Variants in SLC4A4 observed in about 807,000 individuals in gnomAD.
The protein encoded by SLC4A4 is electrogenic sodium bicarbonate cotransporter 1.
Under a neutral mutation model 111.5 loss-of-function variants are expected in SLC4A4, and 27 were observed. The observed-to-expected ratio is 0.24, with a 90% CI of 0.18 to 0.33. The LOEUF (loss-of-function observed/expected upper bound fraction) is 0.33, where lower values mean the gene tolerates loss of function less well. Among genes scored for constraint, SLC4A4 ranks in the 10% least tolerant of loss-of-function variants. The probability of loss-of-function intolerance (pLI) is 1.00; values close to 1 mark genes in which losing one functional copy is unlikely to be tolerated. For synonymous variants in SLC4A4, 443 were observed against 463.4 expected (o/e 0.96, Z 0.57); for missense variants, 909 against 1,315.5 (o/e 0.69, Z 4.78).
intron 7 of SLC4A4, among the ~76,000 whole-genome samples, chr4:71,398,682 A>G (rs1011955834): frequency 3.3e-5 from 5 of 152,222 alleles, no homozygotes; most frequent in African/African-American, 1.2e-4. Context: ...ATTGGAAAGA[A>G]GAAGGAACAT....
rs572256695 is a variant in SLC4A4 at position 71,112,226 on chromosome 4, C to T, written c.-2+19434C>T. On this transcript the variant is annotated intron_variant, in intron 2 of 26. Transcript: ENST00000649996. ...CAAACAATTATGTTGGAACATCAAT[C>T]ACAGTAACAGGAAAGAGTAGCATTC... 1.8e-4 allele frequency among the ~76,000 whole-genome samples: 28 copies of T among 152,340 alleles called. No individual in the cohort carries two copies. In the East Asian group the frequency reaches 5.2e-3, roughly 28 times the overall value.
intron 1 of SLC4A4, among the ~76,000 whole-genome samples, chr4:71,188,111 G>C (rs1171467484): frequency 5.3e-5 from 8 of 152,144 alleles, no homozygotes; most frequent in Non-Finnish European, 1.0e-4. Flanking sequence ...TTTTTCTTAA[G>C]TGCATTTTAC....
At chr4:71,135,234 T>A (rs1743810602) in intron 2 of SLC4A4, among the ~76,000 whole-genome samples, 1 of 152,108 alleles carries the variant, frequency 6.6e-6, no homozygotes, top group Non-Finnish European at 1.5e-5. Context: ...ATGGCTAAAT[T>A]GAGCTAATTA....
chr4:71,110,816 A>G (rs1743064804), intron 2 of SLC4A4, among the ~76,000 whole-genome samples: 1 of 152,162 alleles, frequency 6.6e-6, no homozygotes, highest in Non-Finnish European at 1.5e-5. Flanking sequence ...AGTTTGAAGT[A>G]CTGTGTATAA....
chr4:71,297,822 A>G (rs1322310346), intron 3 of SLC4A4, among the ~76,000 whole-genome samples: 1 of 152,048 alleles, frequency 6.6e-6, no homozygotes, highest in Non-Finnish European at 1.5e-5. Context: ...TCCTGACCAC[A>G]AGTGATCCGC....
rs985987624 is a variant in SLC4A4 at position 71,571,428 on chromosome 4, G to T, written c.*3677G>T. On this transcript the variant is annotated 3_prime_UTR_variant, in exon 26 of 26. Transcript: ENST00000264485. ...TTTTGTAGCACCTCACTATCTGAAA[G>T]GCCATGAGTTTTCAGATGATTTCAT... 10 of 152,090 alleles carry T rather than the reference G, an allele frequency of 6.6e-5. No homozygotes were observed. The highest frequency in any genetic ancestry group is 2.4e-4 in the African/African-American group (10 of 41,392). 9.4% of individuals were successfully genotyped at this position (152,090 alleles called of 1,614,324 possible). A position where few individuals can be genotyped will look rare whatever the true frequency, so the allele number is the denominator to read the frequency against.
chr4:71,418,053 T>G (rs1484508694), intron 7 of SLC4A4, among the ~76,000 whole-genome samples: 1 of 152,232 alleles, frequency 6.6e-6, no homozygotes, highest in Non-Finnish European at 1.5e-5. Context: ...TATATGCGTA[T>G]TGACAATTTT....
chr4:71,253,252 C>T (rs1408063238), intron 2 of SLC4A4, among the ~76,000 whole-genome samples: 2 of 152,088 alleles, frequency 1.3e-5, no homozygotes, highest in African/African-American at 4.8e-5. Context: ...TTAGATTGAC[C>T]ATGATGACAC....
At chr4:71,254,531 T>A (rs1008569926) in intron 2 of SLC4A4, among the ~76,000 whole-genome samples, 2 of 152,130 alleles carry the variant, frequency 1.3e-5, no homozygotes, top group Non-Finnish European at 2.9e-5. Flanking sequence ...GCACTGTAGC[T>A]GACATTCATT....
intron 1 of SLC4A4, among the ~76,000 whole-genome samples, chr4:71,192,724 T>C (rs568366182): frequency 2.4e-3 from 360 of 152,254 alleles, no homozygotes; most frequent in Non-Finnish European, 4.1e-3. Flanking sequence ...GTCAGAAAAT[T>C]GTATGTCATC....
At chr4:71,119,133 A>G (rs1460654725) in intron 2 of SLC4A4, among the ~76,000 whole-genome samples, 1 of 152,214 alleles carries the variant, frequency 6.6e-6, no homozygotes, top group Non-Finnish European at 1.5e-5. Context: ...GGTTGCTGAT[A>G]GTGGAAAGGC....
At chr4:71,255,982 G>A (rs1318107079) in intron 3 of SLC4A4, among the ~76,000 whole-genome samples, 1 of 152,128 alleles carries the variant, frequency 6.6e-6, no homozygotes, top group East Asian at 1.9e-4. Flanking sequence ...GTTACTAAGA[G>A]CAGAATAGCA....
intron 6 of SLC4A4, among the ~76,000 whole-genome samples, chr4:71,378,785 C>T (rs1298059869): frequency 1.3e-5 from 2 of 152,110 alleles, no homozygotes; most frequent in Non-Finnish European, 2.9e-5. Flanking sequence ...CTTTTCTTTC[C>T]ATGGTAAGCT....
At chr4:71,418,832 T>G (rs927343176) in intron 7 of SLC4A4, among the ~76,000 whole-genome samples, 2 of 152,250 alleles carry the variant, frequency 1.3e-5, no homozygotes, top group Middle Eastern at 3.4e-3. Flanking sequence ...AATATCTACT[T>G]TTGGTCTTTG....
intron 16 of SLC4A4, among the ~76,000 whole-genome samples, chr4:71,524,844 G>A (rs1318752539): frequency 6.6e-6 from 1 of 152,068 alleles, no homozygotes; most frequent in Non-Finnish European, 1.5e-5. Flanking sequence ...TAGAGGAATT[G>A]ACATCATAAG....
chr4:71,233,222 A>G lies in SLC4A4; in HGVS notation c.-1-3354A>G, dbSNP rs981228190. On this transcript the variant is annotated intron_variant, in intron 1 of 25. Coordinates refer to ENST00000264485, the MANE Select transcript of SLC4A4 (RefSeq NM_001098484.3). ...TGGCTTGTGCCTGCAACATAGTAGTAGCATCCAGTAAATATTTACTGAATG... is the reference window on the plus strand; with the variant it reads ...TGGCTTGTGCCTGCAACATAGTAGTGGCATCCAGTAAATATTTACTGAATG... 6.3e-6 allele frequency: 6 copies of G among 956,446 alleles called. No homozygotes were observed. In the African/African-American group the frequency reaches 1.1e-4, roughly 17 times the overall value. 59.2% of individuals were successfully genotyped at this position (956,446 alleles called of 1,614,324 possible).
chr4:71,519,160 T>C (rs1462277944), intron 16 of SLC4A4, among the ~76,000 whole-genome samples: 1 of 152,264 alleles, frequency 6.6e-6, no homozygotes, highest in Non-Finnish European at 1.5e-5. Context: ...TTTATGTTTC[T>C]GCAGGGCAAT....
At position 71,232,033 on chromosome 4, in the gene SLC4A4, G is replaced by T. The variant is rs150060527; in HGVS notation, c.-1-4543G>T. Among the ~76,000 whole-genome samples, 300 of 152,322 alleles carry T rather than the reference G, an allele frequency of 2.0e-3. 1 individual carries two copies. Among genetic ancestry groups the T allele is most frequent in the African/African-American group, 7.0e-3 (290 of 41,568 alleles). On this transcript the variant is annotated intron_variant, in intron 1 of 25. Transcript: ENST00000264485. The stretch of plus-strand genomic sequence containing the variant: ...GCAGAAGCCTAGGTGCACCAGGCTG[G>T]ACTTACTTCTAAGGAGGAGTGAGGG...
intron 2 of SLC4A4, among the ~76,000 whole-genome samples, chr4:71,097,668 G>A (rs546241935): frequency 9.2e-5 from 14 of 152,082 alleles, no homozygotes; most frequent in South Asian, 4.2e-4. Flanking sequence ...CCTTTTCTCC[G>A]CAATTTCATC....
Sources: gnomAD v4.1 joint callset for allele counts (sites outside exome capture counted in the v4.1 genomes callset) on GRCh38, gnomAD v4.1.1 for gene constraint, MANE v1.5 for transcripts, NCBI Gene and HGNC (gene_info 2026-07-23, HGNC 2026-07-21) for gene names.